ZFP1: variants seen among roughly 807,000 people sequenced by gnomAD.
ZFP1 encodes ZFP1 zinc finger protein.
ZFP1 carries 32 observed loss-of-function variants against 38.5 expected under a neutral mutation model. That is an observed-to-expected ratio of 0.83 (90% CI 0.63 to 1.12). ZFP1 has a LOEUF of 1.12. Among genes scored for constraint, ZFP1 ranks in the 50% most tolerant of loss-of-function variants. The pLI, the probability that ZFP1 is intolerant of heterozygous loss-of-function variation, is 0.00. For synonymous variants in ZFP1, 245 were observed against 168.8 expected (o/e 1.45, Z -3.50); for missense variants, 616 against 480.8 (o/e 1.28, Z -2.63).
the ZFP1 span, among the ~76,000 whole-genome samples, chr16:75,136,162 G>T: frequency 6.6e-6 from 1 of 152,078 alleles, no homozygotes; most frequent in Non-Finnish European, 1.5e-5. Flanking sequence ...GGAGTCCCAG[G>T]AAAAAATGCA....
At chr16:75,151,005 G>C (rs1355770947) in intron 1 of ZFP1, among the ~76,000 whole-genome samples, 1 of 151,938 alleles carries the variant, frequency 6.6e-6, no homozygotes, top group East Asian at 1.9e-4. Context: ...CTCAAGGTGT[G>C]AGCCACCACA....
chr16:75,144,320 G>A (rs1229509245), upstream of ZFP1: 1 of 152,084 alleles, frequency 6.6e-6, no homozygotes, highest in Admixed American at 6.6e-5. Context: ...ACATATTCTT[G>A]TGTGATCAGT....
Position 75,169,859 on chromosome 16 carries a change from C to G in ZFP1, c.749C>G (p.Thr250Ser), listed in dbSNP as rs759522134. 1 of 1,614,140 alleles carries G rather than the reference C, an allele frequency of 6.2e-7. No individual in the cohort carries two copies. Among genetic ancestry groups the G allele is most frequent in the African/African-American group, 1.3e-5 (1 of 75,044 alleles). The change falls in exon 4 of 4, where the codon ACC (threonine) becomes AGC (serine). Residue 250 changes from threonine to serine, a missense_variant. Thr to Ser is a moderately conservative substitution (Grantham distance 58, BLOSUM62 1). Coordinates refer to ENST00000570010, the MANE Select transcript of ZFP1 (RefSeq NM_153688.4). ...TGTCCGGAATGTGGAAAAGCTTTCA[C>G]CCACCAGTCAAACCTCATTGTACAC... is the stretch of plus-strand genomic sequence containing the variant. ...FECPECGKAF[T>S]HQSNLIVHQR...
the ZFP1 span, among the ~76,000 whole-genome samples, chr16:75,123,826 T>C: frequency 6.7e-6 from 1 of 148,468 alleles, no homozygotes; most frequent in Non-Finnish European, 1.5e-5. Context: ...GTGTGGTGGC[T>C]CACACCTGTA....
chr16:75,169,015 C>G (rs1007176118), intron 3 of ZFP1, among the ~76,000 whole-genome samples: 1 of 152,150 alleles, frequency 6.6e-6, no homozygotes, highest in Non-Finnish European at 1.5e-5. Context: ...ATTTTGTGAT[C>G]TGGCAATGCT....
the ZFP1 span, among the ~76,000 whole-genome samples, chr16:75,129,148 A>G: frequency 4.6e-5 from 7 of 152,138 alleles, no homozygotes; most frequent in East Asian, 1.9e-4. Flanking sequence ...GCCTATATCA[A>G]TTTTTCAGGA....
the ZFP1 span, among the ~76,000 whole-genome samples, chr16:75,124,660 G>A: frequency 2.6e-4 from 39 of 150,050 alleles, no homozygotes; most frequent in African/African-American, 4.4e-4. Flanking sequence ...GGCGGCAGGC[G>A]CCTGTAGTCC....
chr16:75,147,588 G>C (rs2036969281), upstream of ZFP1, among the ~76,000 whole-genome samples: 1 of 152,118 alleles, frequency 6.6e-6, no homozygotes, highest in Admixed American at 6.6e-5. Context: ...AGCCTGGCCA[G>C]GTGCTGATAT....
chr16:75,139,517 C>T, the ZFP1 span, among the ~76,000 whole-genome samples: 3 of 151,730 alleles, frequency 2.0e-5, no homozygotes, highest in Admixed American at 2.0e-4. Flanking sequence ...CAGAGAGAGA[C>T]CCCATCTCTA....
chr16:75,140,095 C>T, the ZFP1 span, among the ~76,000 whole-genome samples: 1 of 152,018 alleles, frequency 6.6e-6, no homozygotes, highest in Non-Finnish European at 1.5e-5. Flanking sequence ...GTGGAGAAAC[C>T]CCGTCTCTAC....
chr16:75,127,869 ATTGAG>A, the ZFP1 span: 2 of 152,220 alleles, frequency 1.3e-5, no homozygotes, highest in Non-Finnish European at 2.9e-5. Context: ...ACTTTTAACA[ATTGAG>A]TTAAGTATAC....
chr16:75,135,579 G>T, the ZFP1 span, among the ~76,000 whole-genome samples: 1 of 152,150 alleles, frequency 6.6e-6, no homozygotes. Context: ...CTGTCCTCGA[G>T]TCTGGGCAAC....
the ZFP1 span, among the ~76,000 whole-genome samples, chr16:75,138,883 T>C: frequency 6.6e-6 from 1 of 152,208 alleles, no homozygotes; most frequent in Non-Finnish European, 1.5e-5. Context: ...CTGCCCAGTA[T>C]GTGGTCCTTT....
upstream of ZFP1, among the ~76,000 whole-genome samples, chr16:75,143,700 C>T (rs1318904284): frequency 1.5e-5 from 2 of 135,816 alleles, no homozygotes; most frequent in African/African-American, 5.5e-5. Flanking sequence ...TGCCCAGGCT[C>T]GAATGCAGTG....
rs1343658235 is a variant in ZFP1, at chr16:75,168,518, A to ACATGT, written c.143-734_143-730dup. On this transcript the variant is annotated intron_variant, in intron 3 of 3. Coordinates refer to ENST00000570010, the MANE Select transcript of ZFP1 (RefSeq NM_153688.4). ...AGAAAAGTAGGATATGATAGTGAAA[A>ACATGT]CATGTTCACTCTCCCAGCAACTTCA... 2.7e-5 allele frequency among the ~76,000 whole-genome samples: 4 copies of ACATGT among 146,912 alleles called. No homozygotes were observed. The Admixed American group carries it at 2.8e-4, about 10-fold the overall frequency.
At chr16:75,146,095 G>A (rs528843043), upstream of ZFP1, among the ~76,000 whole-genome samples, 5 of 152,244 alleles carry the variant, frequency 3.3e-5, no homozygotes, top group South Asian at 4.1e-4. Context: ...CAAGTCCCGC[G>A]AAGGGGTCCA....
At chr16:75,132,707 A>G in the ZFP1 span, 1 of 126,206 alleles carries the variant, frequency 7.9e-6, no homozygotes, top group East Asian at 2.4e-4. Context: ...CCCAGGCTGG[A>G]GTGCAGTGGC....
In ZFP1 at chr16:75,169,513, A is replaced by G. The variant is rs746894322; in HGVS notation, c.403A>G (p.Asn135Asp). The change falls in exon 4 of 4, where the codon AAT (asparagine) becomes GAT (aspartate). Residue 135 changes from asparagine to aspartate, a missense_variant. Transcript: ENST00000570010. ...SYAGKQTDEC[N>D]EFGKALLYLK... ...TGCAGGAAAGCAGACTGATGAGTGT[A>G]ATGAATTTGGAAAAGCACTTCTCTA... The G allele has an allele frequency of 1.9e-6, 3 of 1,613,264 alleles. No individual in the cohort carries two copies. The highest frequency in any genetic ancestry group is 1.3e-5 in the African/African-American group (1 of 74,962).
chr16:75,124,285 A>C, the ZFP1 span, among the ~76,000 whole-genome samples: 1 of 149,824 alleles, frequency 6.7e-6, no homozygotes, highest in Non-Finnish European at 1.5e-5. Flanking sequence ...CAGCCTCCCA[A>C]GTAGCTGGGA....
Sources: allele counts gnomAD v4.1 joint callset (sites outside exome capture counted in the v4.1 genomes callset), GRCh38; gene constraint gnomAD v4.1.1; transcripts MANE v1.5; gene names NCBI Gene and HGNC (gene_info 2026-07-23, HGNC 2026-07-21).